The following MAN1A1 variants were observed in gnomAD, a reference collection of about 807,000 sequenced individuals.
MAN1A1 encodes mannosyl-oligosaccharide 1,2-alpha-mannosidase IA.
Under a neutral mutation model 70.8 loss-of-function variants are expected in MAN1A1, and 29 were observed. The observed-to-expected ratio is 0.41, with a 90% CI of 0.31 to 0.56. The LOEUF (loss-of-function observed/expected upper bound fraction) is 0.56. Ranked by LOEUF, MAN1A1 falls within the 20% of genes least tolerant of loss-of-function variation. The probability of loss-of-function intolerance (pLI) is 0.29; values close to 1 mark genes in which losing one functional copy is unlikely to be tolerated. For missense variants in MAN1A1, 747 were observed against 841.3 expected, an observed-to-expected ratio of 0.89 and a Z score of 1.39; for synonymous variants, 349 against 330.1, an observed-to-expected ratio of 1.06 and a Z score of -0.62.
At chr6:119,226,546 G>C (rs11153798) in intron 6 of MAN1A1, among the ~76,000 whole-genome samples, 63,731 of 152,054 alleles carry the variant, frequency 0.42, 13,842 homozygotes, top group East Asian at 0.67. Context: ...CATCTTCCCA[G>C]GCTGTTCAAT....
In MAN1A1 at chr6:119,324,683, T is replaced by C. The variant is rs530801569; in HGVS notation, c.604-17691A>G. On this transcript the variant is annotated intron_variant, in intron 2 of 12. Transcript: ENST00000368468. ...AACAATTATTTTCTACTTTTCACTTTATTGTAGAACTCAGAGCCCTATGGC... is the reference window on the plus strand; with the variant it reads ...AACAATTATTTTCTACTTTTCACTTCATTGTAGAACTCAGAGCCCTATGGC... 5.3e-5 allele frequency among the ~76,000 whole-genome samples: 8 copies of C among 152,334 alleles called. No homozygotes were observed. The East Asian group carries it at 1.5e-3, about 29-fold the overall frequency.
At chr6:119,323,540 T>A (rs1773073810) in intron 2 of MAN1A1, among the ~76,000 whole-genome samples, 1 of 152,188 alleles carries the variant, frequency 6.6e-6, no homozygotes, top group South Asian at 2.1e-4. Flanking sequence ...CAACTGCAGG[T>A]TATTTTTGTT....
chr6:119,348,728 G>A lies in MAN1A1; in HGVS notation c.338C>T (p.Pro113Leu), dbSNP rs761791042. 1 of 1,579,226 alleles carries A rather than the reference G, an allele frequency of 6.3e-7. No individual in the cohort carries two copies. Among genetic ancestry groups the A allele is most frequent in the Admixed American group, 1.8e-5 (1 of 55,602 alleles). ...CAAGTTGTCCTCCAGGGCGGCCTCC[G>A]GGTCCCCGGGTGCCCCCTCCTCGCG... ...RRREEGAPGD[P>L]EAALEDNLAR... Residue 113 changes from proline to leucine, a missense_variant, in exon 2 of 13, where the codon CCG (proline) becomes CTG (leucine). This residue lies in a region of MAN1A1 where 328 missense variants were observed against 293.1 expected (regional missense o/e 1.12). Transcript: ENST00000368468.
At chr6:119,309,906 C>A (rs1772653671) in intron 2 of MAN1A1, among the ~76,000 whole-genome samples, 1 of 152,068 alleles carries the variant, frequency 6.6e-6, no homozygotes, top group South Asian at 2.1e-4. Flanking sequence ...GGCATCAGGG[C>A]TCATTAATTA....
At chr6:119,259,959 TTAAG>T (rs1484951155) in intron 5 of MAN1A1, among the ~76,000 whole-genome samples, 4 of 152,196 alleles carry the variant, frequency 2.6e-5, no homozygotes, top group African/African-American at 9.6e-5. Flanking sequence ...TATTAACATC[TTAAG>T]TGTCTAAATG....
intron 5 of MAN1A1, among the ~76,000 whole-genome samples, chr6:119,267,650 A>C (rs1417712286): frequency 1.3e-5 from 2 of 152,118 alleles, no homozygotes; most frequent in Non-Finnish European, 2.9e-5. Flanking sequence ...TTTGCCAGCC[A>C]CCCTAGAAAC....
intron 2 of MAN1A1, among the ~76,000 whole-genome samples, chr6:119,347,134 A>G (rs3778111): frequency 0.69 from 105,386 of 152,108 alleles, 36,904 homozygotes; most frequent in African/African-American, 0.75. Context: ...AAGGATGAAG[A>G]CATTCTTCCT....
chr6:119,319,387 AATAATC>A (rs1054104159), intron 2 of MAN1A1, among the ~76,000 whole-genome samples: 40 of 140,880 alleles, frequency 2.8e-4, no homozygotes, highest in Admixed American at 5.6e-4. Context: ...TAATAATAAT[AATAATC>A]ATCATCATCA....
chr6:119,239,131 G>T (rs1035271725), intron 6 of MAN1A1, among the ~76,000 whole-genome samples: 3 of 152,086 alleles, frequency 2.0e-5, no homozygotes, highest in African/African-American at 7.2e-5. Flanking sequence ...GCCCGCCTCA[G>T]CCTCCCAAAG....
chr6:119,312,936 G>A (rs570465040), intron 2 of MAN1A1, among the ~76,000 whole-genome samples: 6 of 152,284 alleles, frequency 3.9e-5, no homozygotes, highest in African/African-American at 1.4e-4. Context: ...AGCACAGTGA[G>A]GAGATCAGGT....
intron 5 of MAN1A1, among the ~76,000 whole-genome samples, chr6:119,284,919 G>A (rs4409209): frequency 0.38 from 57,422 of 151,850 alleles, 11,331 homozygotes; most frequent in Non-Finnish European, 0.41. Flanking sequence ...GTTTTGTGTC[G>A]CTATAAAGGA....
At chr6:119,330,325 G>T (rs570567724) in intron 2 of MAN1A1, among the ~76,000 whole-genome samples, 3 of 152,026 alleles carry the variant, frequency 2.0e-5, no homozygotes, top group Admixed American at 6.6e-5. Flanking sequence ...CTCTCCTGAC[G>T]ATTCCAACCA....
intron 5 of MAN1A1, among the ~76,000 whole-genome samples, chr6:119,257,126 G>T (rs1775480933): frequency 6.6e-6 from 1 of 152,112 alleles, no homozygotes; most frequent in Admixed American, 6.5e-5. Flanking sequence ...TTGGGAGAAG[G>T]TATGTACATG....
chr6:119,329,536 A>G (rs1253722123), intron 2 of MAN1A1, among the ~76,000 whole-genome samples: 2 of 152,086 alleles, frequency 1.3e-5, no homozygotes, highest in Non-Finnish European at 1.5e-5. Context: ...ATTCTCAAAA[A>G]AGCACTTGGG....
intron 6 of MAN1A1, among the ~76,000 whole-genome samples, chr6:119,214,705 C>G (rs755364282): frequency 1.3e-5 from 2 of 152,014 alleles, no homozygotes; most frequent in Non-Finnish European, 2.9e-5. Flanking sequence ...GGGGTTTCAC[C>G]ATGTTACCCA....
intron 3 of MAN1A1, among the ~76,000 whole-genome samples, chr6:119,302,760 C>A (rs2114442830): frequency 6.6e-6 from 1 of 152,288 alleles, no homozygotes; most frequent in Middle Eastern, 3.4e-3. Context: ...GTAATTACAT[C>A]AAAGTGCACC....
chr6:119,331,304 T>C (rs771269950), intron 2 of MAN1A1, among the ~76,000 whole-genome samples: 27 of 152,028 alleles, frequency 1.8e-4, no homozygotes, highest in Non-Finnish European at 4.0e-4. Flanking sequence ...AAATTCATAC[T>C]GCATTTTTGT....
chr6:119,182,821 C>G (rs1327870794), intron 11 of MAN1A1, among the ~76,000 whole-genome samples: 9 of 151,928 alleles, frequency 5.9e-5, no homozygotes, highest in African/African-American at 1.7e-4. Flanking sequence ...TTTTCACTTA[C>G]GTTTCAGTTT....
At chr6:119,231,968 T>C (rs35763133) in intron 6 of MAN1A1, among the ~76,000 whole-genome samples, 1 of 152,120 alleles carries the variant, frequency 6.6e-6, no homozygotes, top group African/African-American at 2.4e-5. Context: ...CTTTAAATAG[T>C]GAGAATAAGC....
Sources: gnomAD v4.1 joint callset for allele counts (sites outside exome capture counted in the v4.1 genomes callset) on GRCh38, gnomAD v4.1.1 for gene constraint, gnomAD v4.1.1 regional missense constraint, MANE v1.5 for transcripts, NCBI Gene and HGNC (gene_info 2026-07-23, HGNC 2026-07-21) for gene names.